RPRD2: variants seen among roughly 807,000 people sequenced by gnomAD.
RPRD2 encodes regulation of nuclear pre-mRNA domain containing 2.
A neutral mutation model predicts 104.4 loss-of-function variants in RPRD2; 12 were observed. That is an observed-to-expected ratio of 0.11 (90% CI 0.07 to 0.19). The LOEUF (loss-of-function observed/expected upper bound fraction) is 0.19. RPRD2 is among the 10% of genes least tolerant of loss of function. The pLI is 1.00. For missense variants in RPRD2, 1,543 were observed against 1,790.1 expected (o/e 0.86, Z 2.49); for synonymous variants, 714 against 684.9 (o/e 1.04, Z -0.66).
chr1:150,433,675 ACCTCGTGATCCGCCCG>A (rs1665778479), intron 2 of RPRD2, among the ~76,000 whole-genome samples: 1 of 147,038 alleles, frequency 6.8e-6, no homozygotes, highest in African/African-American at 2.5e-5. Context: ...CAATCTGCAG[ACCTCGTGATCCGCCCG>A]CCTCGGCCTC....
chr1:150,417,910 T>TTC (rs140431392), intron 2 of RPRD2, among the ~76,000 whole-genome samples, 185 bp downstream of exon 2: 2,845 of 150,670 alleles, frequency 0.019, 119 homozygotes, highest in African/African-American at 0.066. Flanking sequence ...TCTTTTCTTT[T>TTC]TCTCTCTCTC....
chr1:150,371,551 G>A (rs1194250891), intron 1 of RPRD2, among the ~76,000 whole-genome samples: 1 of 151,982 alleles, frequency 6.6e-6, no homozygotes, highest in Non-Finnish European at 1.5e-5. Flanking sequence ...TTGCATTTTT[G>A]GTAGAGATGG....
intron 6 of RPRD2, 65 bp from the exon 7 acceptor site, chr1:150,446,161 T>A: frequency 2.5e-6 from 3 of 1,211,796 alleles, no homozygotes; most frequent in East Asian, 2.6e-5. Context: ...TCTTCAAAAG[T>A]CAAAAGACTA....
At position 150,464,557 on chromosome 1, in the gene RPRD2, G is replaced by T. The variant is rs1553899472; in HGVS notation, c.1442G>T (p.Gly481Val). 1.9e-6 allele frequency: 3 copies of T among 1,603,804 alleles called. No individual in the cohort carries two copies. The highest frequency in any genetic ancestry group is 2.6e-6 in the Non-Finnish European group (3 of 1,175,072). ...AGTCCTGCATCAAGACCTTCTCCAG[G>T]AACGCCCACCAGCCCCAGCAACCTC... ...GVSPASRPSP[G>V]TPTSPSNLTS... Residue 481 changes from glycine to valine, a missense_variant, in exon 10 of 11, where the codon GGA becomes GTA. This residue lies in a region of RPRD2 where 572 missense variants were observed against 787.3 expected (regional missense o/e 0.73). Transcript: ENST00000369068.
chr1:150,454,884 C>A (rs1384533595), intron 7 of RPRD2, among the ~76,000 whole-genome samples: 2 of 150,688 alleles, frequency 1.3e-5, no homozygotes, highest in Non-Finnish European at 3.0e-5. Flanking sequence ...ATTTACAAAA[C>A]AAAATAATAA....
At chr1:150,412,917 C>A (rs1417020375) in intron 1 of RPRD2, among the ~76,000 whole-genome samples, 1 of 151,642 alleles carries the variant, frequency 6.6e-6, no homozygotes, top group South Asian at 2.1e-4. Flanking sequence ...GATATAAAAT[C>A]GCATCCTTTG....
At chr1:150,380,650 A>G (rs1661055584) in intron 1 of RPRD2, among the ~76,000 whole-genome samples, 1 of 149,948 alleles carries the variant, frequency 6.7e-6, no homozygotes, top group Admixed American at 6.7e-5. Flanking sequence ...CCCGGCTCCT[A>G]TTTTATTTTA....
chr1:150,426,308 A>G (rs1297750501), intron 2 of RPRD2, among the ~76,000 whole-genome samples: 1 of 152,126 alleles, frequency 6.6e-6, no homozygotes, highest in African/African-American at 2.4e-5. Context: ...CAGAGCTTAG[A>G]GGTTAAAAAT....
chr1:150,396,672 C>T lies in RPRD2; in HGVS notation c.206-20924C>T, dbSNP rs587679235. 1.4e-4 allele frequency among the ~76,000 whole-genome samples: 22 copies of T among 152,186 alleles called. No homozygotes were observed. In the East Asian group the frequency reaches 4.3e-3, roughly 29 times the overall value. On this transcript the variant is annotated intron_variant, in intron 1 of 10. Transcript: ENST00000369068. ...AAGATCAGTTGGTACCACCATCATC[C>T]TTTACAGAATTAGAAAAGACAACCC... is the stretch of plus-strand genomic sequence containing the variant.
intron 7 of RPRD2, among the ~76,000 whole-genome samples, chr1:150,455,993 A>AT (rs1421250438): frequency 1.3e-5 from 2 of 151,120 alleles, no homozygotes; most frequent in South Asian, 2.1e-4. Flanking sequence ...TGCCCAGCTA[A>AT]TTTTTTTTTA....
chr1:150,462,406 C>G (rs1667995402), intron 9 of RPRD2, among the ~76,000 whole-genome samples: 1 of 151,438 alleles, frequency 6.6e-6, no homozygotes, highest in African/African-American at 2.4e-5. Flanking sequence ...GATCAAGCCA[C>G]TGCACTCCAG....
rs1255616283 is a variant in RPRD2 at position 150,443,135 on chromosome 1, G to A, written c.515-96G>A. 3 of 764,618 alleles carry A rather than the reference G, an allele frequency of 3.9e-6. No individual in the cohort carries two copies. In the African/African-American group the frequency reaches 5.3e-5, roughly 13 times the overall value. 47.4% of individuals were successfully genotyped at this position (764,618 alleles called of 1,614,324 possible). ...ACTTAAATGTGCATGTTTGCCATAT[G>A]TTCAGAGTATATCTTTAACTATAGA... On this transcript the variant is annotated intron_variant, in intron 4 of 10. Transcript: ENST00000369068.
intron 2 of RPRD2, among the ~76,000 whole-genome samples, chr1:150,423,378 A>G (rs1222762467): frequency 6.6e-6 from 1 of 152,092 alleles, no homozygotes; most frequent in African/African-American, 2.4e-5. Flanking sequence ...AAGAGTAGGT[A>G]TATCTTTAAT....
At chr1:150,396,113 A>G (rs1199123822) in intron 1 of RPRD2, among the ~76,000 whole-genome samples, 2 of 150,140 alleles carry the variant, frequency 1.3e-5, no homozygotes, top group African/African-American at 2.5e-5. Context: ...GCATTTTTTC[A>G]TATGTTTGTT....
intron 2 of RPRD2, among the ~76,000 whole-genome samples, chr1:150,417,949 TTTCC>T (rs1197661852): frequency 5.2e-4 from 79 of 151,724 alleles, no homozygotes; most frequent in African/African-American, 1.9e-3. Flanking sequence ...TTTCCTTTCC[TTTCC>T]TTCCTTTCTT....
At position 150,366,907 on chromosome 1, in the gene RPRD2, T is replaced by G. The variant is rs145513636; in HGVS notation, c.205+1988T>G. 1.1e-3 allele frequency among the ~76,000 whole-genome samples: 175 copies of G among 152,350 alleles called. 1 individual carries two copies. The highest frequency in any genetic ancestry group is 3.4e-3 in the Middle Eastern group (1 of 294). On this transcript the variant is annotated intron_variant, in intron 1 of 10. Transcript: ENST00000369068. ...CAAGAATAAGTTGGTCCCTGTCCCGTCTCTGCTGTGTGGGATCACAAGCGA... is the reference window on the plus strand; with the variant it reads ...CAAGAATAAGTTGGTCCCTGTCCCGGCTCTGCTGTGTGGGATCACAAGCGA...
intron 2 of RPRD2, among the ~76,000 whole-genome samples, chr1:150,439,869 G>GT (rs149319756): frequency 0.082 from 12,432 of 151,858 alleles, 674 homozygotes; most frequent in Non-Finnish European, 0.12. Flanking sequence ...TTCCTGCATT[G>GT]TTTTTTATTT....
At chr1:150,388,322 ATGTGTATATACATG>A (rs1661758299) in intron 1 of RPRD2, among the ~76,000 whole-genome samples, 1 of 151,588 alleles carries the variant, frequency 6.6e-6, no homozygotes, top group South Asian at 2.1e-4. Flanking sequence ...GTATATATGT[ATGTGTATATACATG>A]TGTATATACA....
chr1:150,364,548 T>A lies in RPRD2; in HGVS notation c.-167T>A. ...CTGCCAGCGTGCCCAGCAGCTGGTG[T>A]TCCCGTCCGTACCTCCAGAAGAGCC... On this transcript the variant is annotated 5_prime_UTR_variant, in exon 1 of 11. Transcript: ENST00000369068. The A allele has an allele frequency of 1.8e-6, 1 of 563,866 alleles. No individual in the cohort carries two copies. Among genetic ancestry groups the A allele is most frequent in the East Asian group, 3.0e-5 (1 of 33,866 alleles). 34.9% of individuals were successfully genotyped at this position (563,866 alleles called of 1,614,324 possible). A position where few individuals can be genotyped will look rare whatever the true frequency, so the allele number is the denominator to read the frequency against.
Sources: allele counts gnomAD v4.1 joint callset (sites outside exome capture counted in the v4.1 genomes callset), GRCh38; gene constraint gnomAD v4.1.1; regional missense constraint gnomAD v4.1.1; transcripts MANE v1.5; gene names NCBI Gene and HGNC (gene_info 2026-07-23, HGNC 2026-07-21).